Variants in ARID2 observed in about 807,000 individuals in gnomAD.
ARID2 encodes the protein AT-rich interactive domain-containing protein 2.
A neutral mutation model predicts 184.6 loss-of-function variants in ARID2; 32 were observed. The observed-to-expected ratio is 0.17, with a 90% CI of 0.13 to 0.23. The LOEUF (loss-of-function observed/expected upper bound fraction) is 0.23. ARID2 is among the 10% of genes least tolerant of loss of function. The probability of loss-of-function intolerance (pLI) is 1.00; values close to 1 mark genes in which losing one functional copy is unlikely to be tolerated. For synonymous variants in ARID2, 836 were observed against 772.6 expected (o/e 1.08, Z -1.36); for missense variants, 1,696 against 2,197.6 (o/e 0.77, Z 4.56).
intron 3 of ARID2, among the ~76,000 whole-genome samples, chr12:45,790,488 A>C (rs11183203): frequency 0.021 from 3,232 of 152,182 alleles, 119 homozygotes; most frequent in African/African-American, 0.074. Context: ...TGGTTCTCTC[A>C]GTACTGTTTT....
At chr12:45,794,759 A>T (rs1942358229) in intron 3 of ARID2, among the ~76,000 whole-genome samples, 1 of 152,222 alleles carries the variant, frequency 6.6e-6, no homozygotes, top group South Asian at 2.1e-4. Flanking sequence ...TGGCCAGAGC[A>T]TTCAGTTTTA....
At chr12:45,895,255 T>C (rs895423117) in intron 20 of ARID2, among the ~76,000 whole-genome samples, 1 of 152,198 alleles carries the variant, frequency 6.6e-6, no homozygotes. Context: ...CATTATAACC[T>C]CTACCTCCTA....
chr12:45,747,637 T>C (rs1941384501), intron 3 of ARID2, among the ~76,000 whole-genome samples: 1 of 152,182 alleles, frequency 6.6e-6, no homozygotes, highest in Non-Finnish European at 1.5e-5. Flanking sequence ...ATTGAAAATT[T>C]CTAACTTACA....
chr12:45,788,459 C>G (rs1445803423), intron 3 of ARID2, among the ~76,000 whole-genome samples: 2 of 152,076 alleles, frequency 1.3e-5, no homozygotes, highest in Non-Finnish European at 2.9e-5. Context: ...CTCTATGACC[C>G]TGATGTATCT....
rs530010025 is a variant in ARID2, at chr12:45,887,167, T to C, written c.4923-4613T>C. ...GGGGAATTAAATGAAGAATAGAAGCTAATCCTGAGCTTTCACTGCAATGAT... is the reference window on the plus strand; with the variant it reads ...GGGGAATTAAATGAAGAATAGAAGCCAATCCTGAGCTTTCACTGCAATGAT... On this transcript the variant is annotated intron_variant, in intron 16 of 20. Coordinates refer to ENST00000334344, the MANE Select transcript of ARID2 (RefSeq NM_152641.4). 3.3e-4 allele frequency among the ~76,000 whole-genome samples: 50 copies of C among 152,326 alleles called. 1 individual carries two copies. Among genetic ancestry groups the C allele is most frequent in the African/African-American group, 1.2e-3 (49 of 41,572 alleles).
intron 15 of ARID2, among the ~76,000 whole-genome samples, chr12:45,857,276 T>C (rs1014537576): frequency 9.2e-5 from 14 of 152,322 alleles, no homozygotes; most frequent in Middle Eastern, 3.4e-3. Context: ...ATCTTACTGG[T>C]AAAGAGCTTG....
Position 45,903,244 on chromosome 12 carries a change from G to A in ARID2, c.5364-1690G>A, listed in dbSNP as rs867563963. Among the ~76,000 whole-genome samples, 12 of 152,128 alleles carry A rather than the reference G, an allele frequency of 7.9e-5. No individual in the cohort carries two copies. In the South Asian group the frequency reaches 2.5e-3, roughly 32 times the overall value. On this transcript the variant is annotated intron_variant, in intron 20 of 20. Coordinates refer to ENST00000334344, the MANE Select transcript of ARID2 (RefSeq NM_152641.4). ...TGTATTTTTTTCTCTGCTTTTGATG[G>A]GCAAATGGGTTATTTCCAATTTGGG...
intron 16 of ARID2, among the ~76,000 whole-genome samples, chr12:45,862,023 T>C (rs1326196316): frequency 2.0e-5 from 3 of 152,242 alleles, no homozygotes; most frequent in African/African-American, 7.2e-5. Context: ...TACTTTATTG[T>C]AAACTTCATA....
intron 4 of ARID2, among the ~76,000 whole-genome samples, chr12:45,816,845 A>G (rs1275591418): frequency 6.6e-6 from 1 of 152,242 alleles, no homozygotes; most frequent in Non-Finnish European, 1.5e-5. Flanking sequence ...AAATAAAATG[A>G]TAGGAAAGTA....
At chr12:45,796,923 A>G (rs1316452142) in intron 3 of ARID2, among the ~76,000 whole-genome samples, 1 of 152,236 alleles carries the variant, frequency 6.6e-6, no homozygotes, top group Non-Finnish European at 1.5e-5. Context: ...CAGAACCGAT[A>G]TAACACTATG....
intron 6 of ARID2, among the ~76,000 whole-genome samples, chr12:45,824,023 C>G (rs1257630240): frequency 1.3e-5 from 2 of 152,032 alleles, no homozygotes; most frequent in African/African-American, 2.4e-5. Context: ...AACATAGATG[C>G]AAAAGTCCTC....
At position 45,771,231 on chromosome 12, in the gene ARID2, G is replaced by A. The variant is rs555785485; in HGVS notation, c.284+39917G>A. ...AAATTACCCGGGCGTGGTGGCTCAC[G>A]CCTGTGATCCCAACTACTCAGGAGG... On this transcript the variant is annotated intron_variant, in intron 3 of 20. Transcript: ENST00000334344. 7.9e-5 allele frequency among the ~76,000 whole-genome samples: 12 copies of A among 152,110 alleles called. No homozygotes were observed. The South Asian group carries it at 1.9e-3, about 24-fold the overall frequency.
At chr12:45,814,455 G>C (rs1056011330) in intron 4 of ARID2, among the ~76,000 whole-genome samples, 5 of 152,132 alleles carry the variant, frequency 3.3e-5, no homozygotes, top group African/African-American at 1.2e-4. Flanking sequence ...TTTGAGACCA[G>C]CCTGGCCAAC....
intron 3 of ARID2, among the ~76,000 whole-genome samples, chr12:45,744,605 T>A (rs1418046853): frequency 6.6e-6 from 1 of 152,152 alleles, no homozygotes; most frequent in Non-Finnish European, 1.5e-5. Flanking sequence ...CTTTTGTTCT[T>A]TGCTGGCCAT....
chr12:45,853,921 C>T (rs970529355), intron 15 of ARID2, among the ~76,000 whole-genome samples: 1 of 152,204 alleles, frequency 6.6e-6, no homozygotes, highest in South Asian at 2.1e-4. Context: ...GGTACCAGTC[C>T]GTGGCCCTTT....
chr12:45,829,489 CTGAG>C (rs775682395), intron 6 of ARID2, among the ~76,000 whole-genome samples: 3 of 151,834 alleles, frequency 2.0e-5, no homozygotes, highest in Admixed American at 6.6e-5. Flanking sequence ...CATCTCCCTT[CTGAG>C]TATGTGTTTT....
At chr12:45,825,118 T>C (rs568732338) in intron 6 of ARID2, among the ~76,000 whole-genome samples, 1 of 151,858 alleles carries the variant, frequency 6.6e-6, no homozygotes, top group East Asian at 1.9e-4. Flanking sequence ...CAAAGAGAGG[T>C]TGGTTAATGA....
chr12:45,835,118 C>T (rs1179974898), intron 6 of ARID2, among the ~76,000 whole-genome samples: 1 of 152,232 alleles, frequency 6.6e-6, no homozygotes, highest in East Asian at 1.9e-4. Context: ...TAAATTCACT[C>T]TTGGGTTGTA....
chr12:45,895,075 T>C (rs1333374526), intron 20 of ARID2, among the ~76,000 whole-genome samples: 1 of 152,222 alleles, frequency 6.6e-6, no homozygotes, highest in African/African-American at 2.4e-5. Context: ...TCTATTCCCC[T>C]TCCCTACTGA....
Sources: allele counts gnomAD v4.1 joint callset (sites outside exome capture counted in the v4.1 genomes callset), GRCh38; gene constraint gnomAD v4.1.1; transcripts MANE v1.5; gene names NCBI Gene and HGNC (gene_info 2026-07-23, HGNC 2026-07-21).